CTBP2: variants seen among roughly 807,000 people sequenced by gnomAD.
CTBP2 encodes C-terminal-binding protein 2.
A neutral mutation model predicts 80.3 loss-of-function variants in CTBP2; 30 were observed. The observed-to-expected ratio is 0.37, with a 90% CI of 0.28 to 0.51. The LOEUF (loss-of-function observed/expected upper bound fraction) is 0.51, where lower values mean the gene tolerates loss of function less well. CTBP2 is among the 20% of genes least tolerant of loss of function. The pLI is 0.93. For synonymous variants in CTBP2, 594 were observed against 587.4 expected, an observed-to-expected ratio of 1.01 and a Z score of -0.16; for missense variants, 1,212 against 1,375.3, an observed-to-expected ratio of 0.88 and a Z score of 1.88.
At chr10:125,097,657 A>C (rs994554976) in intron 2 of CTBP2, among the ~76,000 whole-genome samples, 1 of 151,618 alleles carries the variant, frequency 6.6e-6, no homozygotes, top group Admixed American at 6.6e-5. Context: ...TCCATGTCAG[A>C]TGTATGTGTG....
intron 3 of CTBP2, chr10:125,001,568 G>C (rs974969364): frequency 1.3e-5 from 2 of 152,234 alleles, no homozygotes; most frequent in Non-Finnish European, 2.9e-5. Flanking sequence ...TGAGGGGTGT[G>C]GGGAGGGTGA....
chr10:125,102,227 AAC>A (rs2135824084), intron 2 of CTBP2, among the ~76,000 whole-genome samples: 1 of 152,318 alleles, frequency 6.6e-6, no homozygotes. Flanking sequence ...TCAAGTTGTA[AAC>A]ATTTTTTGGC....
chr10:125,037,804 G>A (rs767070663), intron 3 of CTBP2, among the ~76,000 whole-genome samples: 1 of 152,212 alleles, frequency 6.6e-6, no homozygotes, highest in Non-Finnish European at 1.5e-5. Flanking sequence ...AGGTAGTCCA[G>A]AGTAAAGTGC....
intron 1 of CTBP2, among the ~76,000 whole-genome samples, chr10:125,140,107 G>A (rs1353215978): frequency 1.3e-5 from 2 of 151,958 alleles, no homozygotes; most frequent in African/African-American, 4.8e-5. Context: ...GGGAAGCCCC[G>A]CTGAAATCTG....
At chr10:125,056,658 A>G (rs1051879885) in intron 2 of CTBP2, among the ~76,000 whole-genome samples, 1 of 152,234 alleles carries the variant, frequency 6.6e-6, no homozygotes, top group Admixed American at 6.5e-5. Flanking sequence ...TAAATGACCA[A>G]CGCCATCCTC....
At chr10:125,043,188 A>C (rs1960332901) in intron 2 of CTBP2, among the ~76,000 whole-genome samples, 2 of 152,218 alleles carry the variant, frequency 1.3e-5, no homozygotes, top group Admixed American at 6.5e-5. Flanking sequence ...AAAAGGAAAA[A>C]CGGCACATTT....
intron 2 of CTBP2, among the ~76,000 whole-genome samples, chr10:125,074,526 G>A (rs1220595712): frequency 6.6e-6 from 1 of 152,142 alleles, no homozygotes; most frequent in Non-Finnish European, 1.5e-5. Context: ...AGCAATTTTT[G>A]TATTTTTGGT....
intron 2 of CTBP2, among the ~76,000 whole-genome samples, chr10:125,100,159 C>G (rs1211702717): frequency 6.6e-6 from 1 of 152,174 alleles, no homozygotes; most frequent in African/African-American, 2.4e-5. Flanking sequence ...TTCCATTTTC[C>G]CTTGACAGAT....
At chr10:125,118,305 GC>G (rs1303319779) in intron 1 of CTBP2, among the ~76,000 whole-genome samples, 1 of 152,192 alleles carries the variant, frequency 6.6e-6, no homozygotes, top group Non-Finnish European at 1.5e-5. Flanking sequence ...TTCTAGAAGT[GC>G]CCCATCCGAA....
In CTBP2 at chr10:124,984,874, G is replaced by A. The variant is rs768411825; in HGVS notation, c.*4644C>T. 5.0e-6 allele frequency: 8 copies of A among 1,613,834 alleles called. No homozygotes were observed. The highest frequency in any genetic ancestry group is 5.9e-6 in the Non-Finnish European group (7 of 1,180,024). On this transcript the variant is annotated 3_prime_UTR_variant, in exon 9 of 9. Coordinates refer to ENST00000309035, the MANE Select transcript of CTBP2 (RefSeq NM_022802.3). ...GTTGCCATGCAGAAGAGTTCTCGGC[G>A]GCGAAATCACCCCCTGGTCACTCAG...
rs568398786 is a variant in CTBP2, at chr10:125,076,933, T to C, written c.-102+34057A>G. Reference sequence around the variant, plus strand: ...TGCCAAGAATCATCTGTCTCGCTACTTCCTGCTGGTCCATTAATTACAATA... The same window carrying C: ...TGCCAAGAATCATCTGTCTCGCTACCTCCTGCTGGTCCATTAATTACAATA... On this transcript the variant is annotated intron_variant, in intron 2 of 10. Transcript: ENST00000337195. Among the ~76,000 whole-genome samples the C allele has an allele frequency of 4.6e-5, 7 of 152,356 alleles. No individual in the cohort carries two copies. In the South Asian group the frequency reaches 1.4e-3, roughly 32 times the overall value.
chr10:125,162,303 G>A (rs1448659322), upstream of CTBP2: 4 of 152,256 alleles, frequency 2.6e-5, no homozygotes, highest in Non-Finnish European at 5.9e-5. Context: ...AGTGCCCCGC[G>A]CCCTGCAGAG....
intron 2 of CTBP2, among the ~76,000 whole-genome samples, chr10:125,090,285 C>CAAAAAAA (rs56714830): frequency 0.011 from 733 of 65,240 alleles, 32 homozygotes; most frequent in African/African-American, 0.025. Flanking sequence ...GTCCCTGGCT[C>CAAAAAAA]AAAAAAAAAA....
At chr10:125,035,969 G>A (rs1181951151) in intron 3 of CTBP2, among the ~76,000 whole-genome samples, 1 of 152,074 alleles carries the variant, frequency 6.6e-6, no homozygotes, top group Non-Finnish European at 1.5e-5. Flanking sequence ...AGAAAAAAAA[G>A]GAACAATTAT....
upstream of CTBP2, chr10:125,162,293 A>C (rs1336212061): frequency 6.6e-6 from 1 of 152,254 alleles, no homozygotes; most frequent in Non-Finnish European, 1.5e-5. Flanking sequence ...TCCATCCCTG[A>C]GTGCCCCGCG....
intron 2 of CTBP2, among the ~76,000 whole-genome samples, chr10:125,076,193 G>A (rs1285200919): frequency 6.6e-6 from 1 of 152,084 alleles, no homozygotes; most frequent in Non-Finnish European, 1.5e-5. Context: ...ACCACAGGCA[G>A]CATCCACCTC....
In CTBP2 at chr10:125,128,178, T is replaced by A. The variant is rs1189862225; in HGVS notation, c.-205-17085A>T. Among the ~76,000 whole-genome samples the A allele has an allele frequency of 2.6e-5, 4 of 152,100 alleles. No homozygotes were observed. In the South Asian group the frequency reaches 8.3e-4, roughly 32 times the overall value. On this transcript the variant is annotated intron_variant, in intron 1 of 10. Transcript: ENST00000337195. ...GAATACCTACTTAGCCAAGTGTCCA[T>A]CCTCACACGGAAGCAAACTAGGACA... is the stretch of plus-strand genomic sequence containing the variant.
chr10:125,144,175 C>A (rs531814919), intron 1 of CTBP2, among the ~76,000 whole-genome samples: 2 of 152,342 alleles, frequency 1.3e-5, no homozygotes, highest in South Asian at 4.1e-4. Flanking sequence ...ACCCGGGGGA[C>A]TCCCACCAAA....
intron 1 of CTBP2, among the ~76,000 whole-genome samples, chr10:125,120,918 C>T (rs923573598): frequency 3.9e-5 from 6 of 152,198 alleles, no homozygotes; most frequent in Non-Finnish European, 7.3e-5. Context: ...ATTAAGGTGG[C>T]CAGATATCGG....
Sources: gnomAD v4.1 joint callset for allele counts (sites outside exome capture counted in the v4.1 genomes callset) on GRCh38, gnomAD v4.1.1 for gene constraint, MANE v1.5 for transcripts, NCBI Gene and HGNC (gene_info 2026-07-23, HGNC 2026-07-21) for gene names.